EDAR: variants seen among roughly 807,000 people sequenced by gnomAD.
The protein encoded by EDAR is tumor necrosis factor receptor superfamily member EDAR.
In EDAR, 38 loss-of-function variants were observed where a neutral mutation model predicts 51.3. The ratio of observed to expected loss-of-function variants is 0.74; its 90% CI spans 0.57 to 0.97. The LOEUF (loss-of-function observed/expected upper bound fraction) is 0.97, where lower values mean the gene tolerates loss of function less well. Ranked by LOEUF, EDAR falls within the 50% of genes least tolerant of loss-of-function variation. The pLI is 0.00. For synonymous variants in EDAR, 227 were observed against 242.1 expected (o/e 0.94, Z 0.58); for missense variants, 528 against 595.0 (o/e 0.89, Z 1.17).
intron 1 of EDAR, among the ~76,000 whole-genome samples, chr2:108,967,600 G>A (rs1036179439): frequency 3.9e-5 from 6 of 152,162 alleles, no homozygotes; most frequent in Admixed American, 3.3e-4. Context: ...ACTTGAAAGA[G>A]CAGGGGGCTG....
At chr2:108,979,782 T>C (rs1343994660) in intron 1 of EDAR, among the ~76,000 whole-genome samples, 1 of 152,044 alleles carries the variant, frequency 6.6e-6, no homozygotes, top group Non-Finnish European at 1.5e-5. Flanking sequence ...GCCAAATGGG[T>C]CCCTTGAATA....
chr2:108,943,116 A>G (rs1049715461), intron 1 of EDAR, among the ~76,000 whole-genome samples: 5 of 152,130 alleles, frequency 3.3e-5, no homozygotes, highest in Non-Finnish European at 5.9e-5. Flanking sequence ...CAAAGAACTC[A>G]TAAATTTGGA....
rs1340777369 is a variant in EDAR, at chr2:108,896,613, T to C, written c.*294A>G. On this transcript the variant is annotated 3_prime_UTR_variant, in exon 12 of 12. Transcript: ENST00000258443. The stretch of plus-strand genomic sequence containing the variant: ...ATTCATTTGAGTCCTCAACATTGTC[T>C]CATTGTTCAGTGAGTTAATGGTGGG... 1.5e-5 allele frequency: 6 copies of C among 411,750 alleles called. No homozygotes were observed. The Admixed American group carries it at 2.3e-4, about 15-fold the overall frequency. 25.5% of individuals were successfully genotyped at this position (411,750 alleles called of 1,614,324 possible).
At chr2:108,900,090 T>G (rs1266092681) in intron 11 of EDAR, among the ~76,000 whole-genome samples, 2 of 152,092 alleles carry the variant, frequency 1.3e-5, no homozygotes, top group Non-Finnish European at 2.9e-5. Context: ...AAAATCAAAA[T>G]GTATCACTCA....
intron 1 of EDAR, among the ~76,000 whole-genome samples, chr2:108,982,868 G>A (rs1040133441): frequency 1.3e-5 from 2 of 152,200 alleles, no homozygotes; most frequent in African/African-American, 2.4e-5. Flanking sequence ...GGTTCACAGT[G>A]GCCACAGAAC....
At chr2:108,985,450 G>C (rs1698481774) in intron 1 of EDAR, among the ~76,000 whole-genome samples, 2 of 152,256 alleles carry the variant, frequency 1.3e-5, no homozygotes, top group African/African-American at 4.8e-5. Context: ...CGCCACAGGT[G>C]CATCTTCCTC....
chr2:108,981,894 T>C (rs999845877), intron 1 of EDAR, among the ~76,000 whole-genome samples: 8 of 152,200 alleles, frequency 5.3e-5, no homozygotes, highest in African/African-American at 1.7e-4. Flanking sequence ...ACGGAAACGC[T>C]AAGGAAGCAA....
At position 108,912,678 on chromosome 2, in the gene EDAR, C is replaced by A. The variant is rs747157415; in HGVS notation, c.529G>T (p.Glu177Ter). The A allele has an allele frequency of 1.9e-6, 3 of 1,588,786 alleles. No individual in the cohort carries two copies. Among genetic ancestry groups the A allele is most frequent in the Non-Finnish European group, 2.6e-6 (3 of 1,167,504 alleles). The change falls in exon 6 of 12, where the codon GAA becomes TAA. Residue 177 changes from glutamate (E) to a stop codon, truncating the protein, a stop_gained and splice_region_variant. Transcript: ENST00000258443. LOFTEE classifies it high-confidence loss of function. ...TLSPFQHAHK[E>*]LSGQGHLATA... Reference sequence around the variant, plus strand: ...ATCGATACCTGAGCACCCTCCTCACCTTTGTGGGCGTGCTGGAAGGGAGAC... The same window carrying A: ...ATCGATACCTGAGCACCCTCCTCACATTTGTGGGCGTGCTGGAAGGGAGAC...
chr2:108,910,429 C>T, intron 9 of EDAR, 31 bp downstream of exon 9: 2 of 1,590,732 alleles, frequency 1.3e-6, no homozygotes, highest in Non-Finnish European at 1.7e-6. Context: ...AGGACCCCAG[C>T]TTCAGCTTGG....
At chr2:108,969,488 C>T (rs1194338157) in intron 1 of EDAR, among the ~76,000 whole-genome samples, 1 of 152,214 alleles carries the variant, frequency 6.6e-6, no homozygotes, top group Non-Finnish European at 1.5e-5. Flanking sequence ...CATACAGGTC[C>T]TGGCCCCGAG....
intron 1 of EDAR, among the ~76,000 whole-genome samples, chr2:108,941,148 C>T (rs916202608): frequency 6.6e-6 from 1 of 152,196 alleles, no homozygotes; most frequent in African/African-American, 2.4e-5. Flanking sequence ...GATGCGTCTG[C>T]GTTGTGGGAA....
intron 4 of EDAR, among the ~76,000 whole-genome samples, chr2:108,924,777 C>T (rs374391013): frequency 6.6e-6 from 1 of 152,244 alleles, no homozygotes; most frequent in Non-Finnish European, 1.5e-5. Flanking sequence ...GCCACGACAG[C>T]CAGTTTTACA....
At chr2:108,978,738 T>C (rs1698373335) in intron 1 of EDAR, among the ~76,000 whole-genome samples, 1 of 152,176 alleles carries the variant, frequency 6.6e-6, no homozygotes, top group South Asian at 2.1e-4. Context: ...CCCAACCCCG[T>C]GCAGGTTTTG....
intron 1 of EDAR, among the ~76,000 whole-genome samples, chr2:108,946,564 G>A (rs569918049): frequency 1.3e-5 from 2 of 152,340 alleles, no homozygotes; most frequent in South Asian, 2.1e-4. Flanking sequence ...AACTTATAAA[G>A]AAAGAAGGTT....
At chr2:108,917,449 T>G (rs957772394) in intron 5 of EDAR, among the ~76,000 whole-genome samples, 15 of 152,284 alleles carry the variant, frequency 9.9e-5, no homozygotes, top group Middle Eastern at 6.8e-3. Flanking sequence ...ACGTTTGAGG[T>G]CATGGATATC....
At chr2:108,925,706 C>T (rs1242794903) in intron 4 of EDAR, among the ~76,000 whole-genome samples, 1 of 152,156 alleles carries the variant, frequency 6.6e-6, no homozygotes, top group Non-Finnish European at 1.5e-5. Context: ...CAACTTCCGC[C>T]TCCCAGGTGC....
At chr2:108,944,560 G>C (rs1697678220) in intron 1 of EDAR, among the ~76,000 whole-genome samples, 2 of 152,114 alleles carry the variant, frequency 1.3e-5, no homozygotes, top group African/African-American at 4.8e-5. Context: ...ATTGATAATG[G>C]GCTCCTTCAC....
chr2:108,930,036 G>A, intron 3 of EDAR, 84 bp downstream of exon 3: 1 of 1,501,028 alleles, frequency 6.7e-7, no homozygotes. Flanking sequence ...CCCTCACACA[G>A]CAAGGCAGGC....
chr2:108,974,262 G>A (rs1281174058), intron 1 of EDAR, among the ~76,000 whole-genome samples: 7 of 148,386 alleles, frequency 4.7e-5, no homozygotes, highest in African/African-American at 1.0e-4. Context: ...CCCGGGAGGC[G>A]GAGCTTGCAG....
Sources: gnomAD v4.1 joint callset for allele counts (sites outside exome capture counted in the v4.1 genomes callset) on GRCh38, gnomAD v4.1.1 for gene constraint, MANE v1.5 for transcripts, NCBI Gene and HGNC (gene_info 2026-07-23, HGNC 2026-07-21) for gene names.